Variants in CD248 observed in about 807,000 individuals in gnomAD.
The protein encoded by CD248 is endosialin.
Under a neutral mutation model 8.0 loss-of-function variants are expected in CD248, and 7 were observed. That is an observed-to-expected ratio of 0.88 (90% CI 0.50 to 1.64). The LOEUF is 1.64. Ranked by LOEUF, CD248 falls within the 40% of genes most tolerant of loss-of-function variation. CD248 has a pLI of 0.00. For missense variants in CD248, 912 were observed against 1,027.2 expected, an observed-to-expected ratio of 0.89 and a Z score of 1.53; for synonymous variants, 418 against 437.1, an observed-to-expected ratio of 0.96 and a Z score of 0.54.
Position 66,314,774 on chromosome 11 carries a change from T to G in CD248, c.2254A>C (p.Thr752Pro). ...PPRGSLTGVQTCRTSV is the reference protein window; with the variant it reads ...PPRGSLTGVQPCRTSV ...CCCCATCACACGCTGGTTCTGCAGG[T>G]CTGCACCCCTGTGAGGCTGCCCCTG... is the stretch of plus-strand genomic sequence containing the variant. The change falls in exon 1 of 1, where the codon ACC becomes CCC. Residue 752 changes from threonine to proline, a missense_variant. By Grantham distance (38) the Thr-to-Pro change is conservative. This residue lies in a region of CD248 where 507 missense variants were observed against 562.2 expected (regional missense o/e 0.90). Transcript: ENST00000311330. This position sits in a 1 kb window ranked among gnomAD's most constrained non-coding sequence, Gnocchi z 4.0. The G allele has an allele frequency of 6.4e-7, 1 of 1,551,564 alleles. No homozygotes were observed. Among genetic ancestry groups the G allele is most frequent in the Non-Finnish European group, 8.7e-7 (1 of 1,147,760 alleles).
rs373841229 is a variant in CD248, at chr11:66,316,691, C to T, written c.337G>A (p.Ala113Thr). The change falls in exon 1 of 1, where the codon GCT becomes ACT. Residue 113 changes from alanine to threonine, a missense_variant. This residue lies in a region of CD248 where 403 missense variants were observed against 446.2 expected (regional missense o/e 0.90). Transcript: ENST00000311330. The part of the protein sequence containing the change: ...FTWTTGDQDT[A>T]FTNWAQPASG... ...GCTGGCTGGGCCCAGTTGGTGAAAG[C>T]CGTGTCCTGGTCCCCTGTGGTCCAC... 198 of 1,606,798 alleles carry T rather than the reference C, an allele frequency of 1.2e-4. No homozygotes were observed. The highest frequency in any genetic ancestry group is 1.6e-4 in the Non-Finnish European group (187 of 1,179,550).
In CD248 at chr11:66,315,473, T is replaced by C. The variant is rs1350095822; in HGVS notation, c.1555A>G (p.Thr519Ala). The change falls in exon 1 of 1, where the codon ACC becomes GCC. Residue 519 changes from threonine to alanine, a missense_variant. Thr to Ala is a moderately conservative substitution (Grantham distance 58). This residue lies in a region of CD248 where 507 missense variants were observed against 562.2 expected (regional missense o/e 0.90). Transcript: ENST00000311330. The surrounding 1 kb of genome is among the most constrained non-coding windows in gnomAD (Gnocchi z 4.3). ...PPAHQPPMISTKYPELFPAHQ... is the reference protein window; with the variant it reads ...PPAHQPPMISAKYPELFPAHQ... ...GCAGGGAAGAGCTCCGGATATTTGG[T>C]TGAGATCATAGGGGGCTGGTGGGCA... 6.2e-7 allele frequency: 1 copy of C among 1,613,210 alleles called. No individual in the cohort carries two copies. Among genetic ancestry groups the C allele is most frequent in the South Asian group, 1.1e-5 (1 of 91,064 alleles).
Position 66,315,560 on chromosome 11 carries a change from G to A in CD248, c.1468C>T (p.Pro490Ser). 1.2e-6 allele frequency: 2 copies of A among 1,613,988 alleles called. No individual in the cohort carries two copies. The highest frequency in any genetic ancestry group is 1.7e-6 in the Non-Finnish European group (2 of 1,179,926). ...HQIPVIAANY[P>S]DLPSAYQPGI... is the part of the protein sequence containing the mutation. ...GGTTGGTAGGCAGAAGGCAGATCTG[G>A]ATAGTTGGCTGCGATCACGGGGATC... The change falls in exon 1 of 1, where the codon CCA (proline) becomes TCA (serine). Residue 490 changes from proline to serine, a missense_variant. By Grantham distance (74) the Pro-to-Ser change is moderately conservative (BLOSUM62 -1). Transcript: ENST00000311330. The surrounding 1 kb of genome is among the most constrained non-coding windows in gnomAD (Gnocchi z 4.3).
rs769473334 is a variant in CD248, at chr11:66,316,405, C to T, written c.623G>A (p.Gly208Glu). The T allele has an allele frequency of 1.2e-6, 2 of 1,607,220 alleles. No individual in the cohort carries two copies. The highest frequency in any genetic ancestry group is 2.2e-5 in the East Asian group (1 of 44,882). ...VAAVQCQAGR[G>E]ASLLCVKQPE... ...CTGCTTCACGCAGAGCAGAGAGGCT[C>T]CCCTGCCAGCCTGGCACTGCACAGC... Residue 208 changes from glycine to glutamate, a missense_variant, in exon 1 of 1, where the codon GGA (glycine) becomes GAA (glutamate). Gly to Glu is a moderately conservative substitution (Grantham distance 98, BLOSUM62 -2). Coordinates refer to ENST00000311330, the MANE Select transcript of CD248 (RefSeq NM_020404.3).
Position 66,316,032 on chromosome 11 carries a change from G to A in CD248, c.996C>T (p.Gly332=), listed in dbSNP as rs2097009068. 6.2e-7 allele frequency: 1 copy of A among 1,613,516 alleles called. No individual in the cohort carries two copies. Among genetic ancestry groups the A allele is most frequent in the African/African-American group, 1.3e-5 (1 of 74,902 alleles). Residue 332 remains glycine (G), a synonymous_variant, in exon 1 of 1, where the codon GGC becomes GGT. Coordinates refer to ENST00000311330, the MANE Select transcript of CD248 (RefSeq NM_020404.3). ...CQQMCVNYVG[G]FECYCSEGHE... is the part of the protein sequence containing the mutation. ...GTCCCTCGCTACAATAACACTCGAA[G>A]CCACCAACGTAGTTGACACACATCT...
chr11:66,315,160 G>T lies in CD248; in HGVS notation c.1868C>A (p.Ser623Tyr). 3 of 1,527,066 alleles carry T rather than the reference G, an allele frequency of 2.0e-6. No homozygotes were observed. The highest frequency in any genetic ancestry group is 1.8e-6 in the Non-Finnish European group (2 of 1,139,204). The allele number at this position is 1,527,066 out of a possible 1,614,324, so 94.6% of individuals were successfully genotyped here. A position where few individuals can be genotyped will look rare whatever the true frequency, so the allele number is the denominator to read the frequency against. The change falls in exon 1 of 1, where the codon TCT becomes TAT. Residue 623 changes from serine to tyrosine, a missense_variant. By Grantham distance (144) the Ser-to-Tyr change is moderately radical (BLOSUM62 -2). Around this residue, in one of 3 missense-constraint regions of CD248, gnomAD observed 507 missense variants for 562.2 expected, o/e 0.90. Transcript: ENST00000311330. This position sits in a 1 kb window ranked among gnomAD's most constrained non-coding sequence, Gnocchi z 4.3. ...TGAGGTCTGGTTAGTGGGGCTCTGAGAGGGCAGGAGGGTGGGGAGGGCTGC... is the reference window on the plus strand; with the variant it reads ...TGAGGTCTGGTTAGTGGGGCTCTGATAGGGCAGGAGGGTGGGGAGGGCTGC... ...QPAALPTLLP[S>Y]QSPTNQTSPI...
chr11:66,316,731 T>C lies in CD248; in HGVS notation c.297A>G (p.Pro99=). ...CTGTGGTCCACGTGAAGCCGCGCAG[T>C]GGGCGCTGCAGCTGGCATTGCCGGG... ...RQARQCQLQR[P]LRGFTWTTGD... is the part of the protein sequence containing the mutation. The change falls in exon 1 of 1, where the codon CCA becomes CCG. Residue 99 remains proline (P), a synonymous_variant. Coordinates refer to ENST00000311330, the MANE Select transcript of CD248 (RefSeq NM_020404.3). The C allele has an allele frequency of 6.2e-7, 1 of 1,604,224 alleles. No individual in the cohort carries two copies. Among genetic ancestry groups the C allele is most frequent in the Non-Finnish European group, 8.5e-7 (1 of 1,179,434 alleles).
rs1171932215 is a variant in CD248 at position 66,317,031 on chromosome 11, G to C, written c.-4C>G. 1.4e-6 allele frequency: 2 copies of C among 1,441,422 alleles called. No individual in the cohort carries two copies. Among genetic ancestry groups the C allele is most frequent in the Middle Eastern group, 2.5e-4 (1 of 4,018 alleles). 89.3% of individuals were successfully genotyped at this position (1,441,422 alleles called of 1,614,324 possible). A position where few individuals can be genotyped will look rare whatever the true frequency, so the allele number is the denominator to read the frequency against. ...CCAGCAACAGGCGCAGCAGCATCGCGATGCCCCCGGACTGGTCCGGCCCCG... is the reference window on the plus strand; with the variant it reads ...CCAGCAACAGGCGCAGCAGCATCGCCATGCCCCCGGACTGGTCCGGCCCCG... On this transcript the variant is annotated 5_prime_UTR_variant, in exon 1 of 1. It adds an upstream start codon to the 5' untranslated region. Transcript: ENST00000311330.
In CD248 at chr11:66,316,496, C is replaced by T. The variant is rs139802208; in HGVS notation, c.532G>A (p.Val178Met). 1.1e-3 allele frequency: 1,715 copies of T among 1,596,752 alleles called. 16 individuals are homozygous for T. In the African/African-American group the frequency reaches 0.02, roughly 19 times the overall value. Reference protein sequence around the residue: ...QDEAGQAGPAVYTTPFHLVST... With the variant: ...QDEAGQAGPAMYTTPFHLVST... ...ACCAGGTGGAAGGGCGTGGTATACA[C>T]GGCTGGGCCGGCCTGGCCCGCCTCA... The change falls in exon 1 of 1, where the codon GTG (valine) becomes ATG (methionine). Residue 178 changes from valine to methionine, a missense_variant. By Grantham distance (21) the Val-to-Met change is conservative. Coordinates refer to ENST00000311330, the MANE Select transcript of CD248 (RefSeq NM_020404.3).
chr11:66,314,708 C>A lies in CD248; in HGVS notation c.*46G>T, dbSNP rs925923061. 6 of 1,481,250 alleles carry A rather than the reference C, an allele frequency of 4.1e-6. No individual in the cohort carries two copies. The highest frequency in any genetic ancestry group is 5.5e-6 in the Non-Finnish European group (6 of 1,097,710). 91.8% of individuals were successfully genotyped at this position (1,481,250 alleles called of 1,614,324 possible). On this transcript the variant is annotated 3_prime_UTR_variant, in exon 1 of 1. Coordinates refer to ENST00000311330, the MANE Select transcript of CD248 (RefSeq NM_020404.3). The surrounding 1 kb of genome is among the most constrained non-coding windows in gnomAD (Gnocchi z 4.0). The stretch of plus-strand genomic sequence containing the variant: ...CCATGGGTCCCTGGTGCAGCCCCGG[C>A]CATGTGTCCAGCGCCCCATACTCCA...
Position 66,314,522 on chromosome 11 carries a change from G to A in CD248, c.*232C>T, listed in dbSNP as rs1419739930. ...GGTTGACACCCCATTTATTGGAGAA[G>A]ACCCCAGCACCCGCCCCCTGAGGTC... On this transcript the variant is annotated 3_prime_UTR_variant, in exon 1 of 1. Coordinates refer to ENST00000311330, the MANE Select transcript of CD248 (RefSeq NM_020404.3). The surrounding 1 kb of genome is among the most constrained non-coding windows in gnomAD (Gnocchi z 4.0). The A allele has an allele frequency of 2.0e-6, 1 of 499,276 alleles. No individual in the cohort carries two copies. The highest frequency in any genetic ancestry group is 1.9e-5 in the African/African-American group (1 of 52,758). 30.9% of individuals were successfully genotyped at this position (499,276 alleles called of 1,614,324 possible). A position where few individuals can be genotyped will look rare whatever the true frequency, so the allele number is the denominator to read the frequency against.
rs1854548419 is a variant in CD248 at position 66,316,334 on chromosome 11, C to G, written c.694G>C (p.Gly232Arg). 1.2e-6 allele frequency: 2 copies of G among 1,612,774 alleles called. No homozygotes were observed. Among genetic ancestry groups the G allele is most frequent in the Non-Finnish European group, 1.7e-6 (2 of 1,179,780 alleles). ...CCGTTGTCAGGGCTGCAGCCAGTCC[C>G]CAGGCACAGGGGCCCAGCCCGTGAC... Reference protein sequence around the residue: ...GWSRAGPLCLGTGCSPDNGGC... With the variant: ...GWSRAGPLCLRTGCSPDNGGC... The change falls in exon 1 of 1, where the codon GGG becomes CGG. Residue 232 changes from glycine (G) to arginine (R), a missense_variant. Transcript: ENST00000311330.
rs1346322763 is a variant in CD248 at position 66,316,410 on chromosome 11, G to T, written c.618C>A (p.Gly206=). The change falls in exon 1 of 1, where the codon GGC becomes GGA. Residue 206 remains glycine (G), a synonymous_variant. Transcript: ENST00000311330. Reference sequence around the variant, plus strand: ...TCACGCAGAGCAGAGAGGCTCCCCTGCCAGCCTGGCACTGCACAGCGGCCA... The same window carrying T: ...TCACGCAGAGCAGAGAGGCTCCCCTTCCAGCCTGGCACTGCACAGCGGCCA... The part of the protein sequence containing the change: ...GSVAAVQCQA[G]RGASLLCVKQ... 10 of 1,606,568 alleles carry T rather than the reference G, an allele frequency of 6.2e-6. No individual in the cohort carries two copies. Among genetic ancestry groups the T allele is most frequent in the Non-Finnish European group, 8.5e-6 (10 of 1,179,806 alleles).
In CD248 at chr11:66,316,800, C is replaced by T. The variant is rs752408853; in HGVS notation, c.228G>A (p.Ala76=). 3.1e-6 allele frequency: 5 copies of T among 1,589,230 alleles called. No individual in the cohort carries two copies. The East Asian group carries it at 6.8e-5, about 21-fold the overall frequency. The change falls in exon 1 of 1, where the codon GCG becomes GCA. Residue 76 remains alanine, a synonymous_variant. Transcript: ENST00000311330. ...TCCACAGCAGCCGGCTGGCTGGGCC[C>T]GCACCCACCAGGCTGTCCACACGCT... ...EAQRVDSLVG[A]GPASRLLWIG...
In CD248 at chr11:66,316,821, A is replaced by G. The variant is rs1422705841; in HGVS notation, c.207T>C (p.Arg69=). 2 of 1,574,374 alleles carry G rather than the reference A, an allele frequency of 1.3e-6. No homozygotes were observed. The highest frequency in any genetic ancestry group is 4.6e-5 in the East Asian group (2 of 43,862). ...GGCCCGCACCCACCAGGCTGTCCACACGCTGGGCCTCCTCGGGGGTCCGAG... is the reference window on the plus strand; with the variant it reads ...GGCCCGCACCCACCAGGCTGTCCACGCGCTGGGCCTCCTCGGGGGTCCGAG... ...ATPRTPEEAQ[R]VDSLVGAGPA... The change falls in exon 1 of 1, where the codon CGT becomes CGC. Residue 69 remains arginine (R), a synonymous_variant. Coordinates refer to ENST00000311330, the MANE Select transcript of CD248 (RefSeq NM_020404.3).
chr11:66,315,122 T>C lies in CD248; in HGVS notation c.1906A>G (p.Thr636Ala), dbSNP rs748555978. ...PTNQTSPISP[T>A]HPHSKAPQIP... ...TGGGGGGCTTTGGAATGGGGATGTG[T>C]AGGGCTGATGGGTGAGGTCTGGTTA... The change falls in exon 1 of 1, where the codon ACA becomes GCA. Residue 636 changes from threonine (T) to alanine (A), a missense_variant. Thr to Ala is a moderately conservative substitution (Grantham distance 58). Coordinates refer to ENST00000311330, the MANE Select transcript of CD248 (RefSeq NM_020404.3). The surrounding 1 kb of genome is among the most constrained non-coding windows in gnomAD (Gnocchi z 4.3). The C allele has an allele frequency of 1.2e-5, 19 of 1,548,398 alleles. No homozygotes were observed. The highest frequency in any genetic ancestry group is 2.3e-5 in the East Asian group (1 of 44,344).
Position 66,316,838 on chromosome 11 carries a change from GGGT to G in CD248, c.187_189del (p.Thr63del), listed in dbSNP as rs780247845. On this transcript the variant is annotated inframe_deletion, in exon 1 of 1. Coordinates refer to ENST00000311330, the MANE Select transcript of CD248 (RefSeq NM_020404.3). ...CTGTCCACACGCTGGGCCTCCTCGGGGGTCCGAGGAGTGGCCAGGTCGCCCCCC... is the reference window on the plus strand; with the variant it reads ...CTGTCCACACGCTGGGCCTCCTCGGGCCGAGGAGTGGCCAGGTCGCCCCCC... The G allele has an allele frequency of 6.4e-7, 1 of 1,563,450 alleles. No homozygotes were observed. Among genetic ancestry groups the G allele is most frequent in the South Asian group, 1.1e-5 (1 of 88,038 alleles).
At position 66,315,068 on chromosome 11, in the gene CD248, T is replaced by G; in HGVS notation, c.1960A>C (p.Lys654Gln). The stretch of plus-strand genomic sequence containing the variant: ...GGTGAGGGCAGCCACAGGGCCAACT[T>G]GGGACTGGGGCCATCTTCCCTTGGG... ...QIPREDGPSP[K>Q]LALWLPSPAP... Residue 654 changes from lysine (K) to glutamine (Q), a missense_variant, in exon 1 of 1, where the codon AAG (lysine) becomes CAG (glutamine). Transcript: ENST00000311330. The surrounding 1 kb of genome is among the most constrained non-coding windows in gnomAD (Gnocchi z 4.3). 6.4e-7 allele frequency: 1 copy of G among 1,572,478 alleles called. No individual in the cohort carries two copies. The highest frequency in any genetic ancestry group is 1.2e-5 in the South Asian group (1 of 83,672).
chr11:66,315,170 G>A lies in CD248; in HGVS notation c.1858C>T (p.Leu620Phe). The change falls in exon 1 of 1, where the codon CTC becomes TTC. Residue 620 changes from leucine to phenylalanine, a missense_variant. Transcript: ENST00000311330. This position sits in a 1 kb window ranked among gnomAD's most constrained non-coding sequence, Gnocchi z 4.3. ...AATQPAALPT[L>F]LPSQSPTNQT... ...TTAGTGGGGCTCTGAGAGGGCAGGA[G>A]GGTGGGGAGGGCTGCGGGCTGGGTG... is the stretch of plus-strand genomic sequence containing the variant. The A allele has an allele frequency of 6.5e-7, 1 of 1,528,564 alleles. No homozygotes were observed. The highest frequency in any genetic ancestry group is 2.2e-5 in the Admixed American group (1 of 46,036). The allele number at this position is 1,528,564 out of a possible 1,614,324, so 94.7% of individuals were successfully genotyped here. A position where few individuals can be genotyped will look rare whatever the true frequency, so the allele number is the denominator to read the frequency against.
Sources: gnomAD v4.1 joint callset for allele counts on GRCh38, gnomAD v4.1.1 for gene constraint, gnomAD v4.1.1 regional missense constraint, Gnocchi (gnomAD v3.1) non-coding constraint, MANE v1.5 for transcripts, NCBI Gene and HGNC (gene_info 2026-07-23, HGNC 2026-07-21) for gene names.